Variants in WWOX observed in about 807,000 individuals in gnomAD.
WWOX encodes the protein WW domain-containing oxidoreductase.
WWOX carries 69 observed loss-of-function variants against 46.2 expected under a neutral mutation model. The ratio of observed to expected loss-of-function variants is 1.49; its 90% confidence interval spans 1.23 to 1.82. The LOEUF is 1.82. WWOX is among the 40% of genes most tolerant of loss of function. The pLI, the probability that WWOX is intolerant of heterozygous loss-of-function variation, is 0.00. For missense variants in WWOX, 919 were observed against 542.6 expected (o/e 1.69, Z -6.89); for synonymous variants, 359 against 202.6 (o/e 1.77, Z -6.56).
At chr16:78,265,816 A>T (rs566520527) in intron 5 of WWOX, 1 of 152,242 alleles carries the variant, frequency 6.6e-6, no homozygotes, top group South Asian at 2.1e-4. Context: ...AGGACTCAGT[A>T]AGTTATTTGT....
At chr16:78,434,261 A>G (rs2083288688) in intron 8 of WWOX, among the ~76,000 whole-genome samples, 1 of 152,182 alleles carries the variant, frequency 6.6e-6, no homozygotes, top group Non-Finnish European at 1.5e-5. Context: ...CCTACGGAGA[A>G]TGGTGTTCCA....
At chr16:78,791,276 C>T (rs1031687086) in intron 8 of WWOX, among the ~76,000 whole-genome samples, 6 of 152,112 alleles carry the variant, frequency 3.9e-5, no homozygotes, top group South Asian at 2.1e-4. Flanking sequence ...ACCAGGCACT[C>T]GGGTTTCCTG....
rs556711637 is a variant in WWOX at position 79,157,436 on chromosome 16, A to G, written c.1057-54172A>G. On this transcript the variant is annotated intron_variant, in intron 8 of 8. Coordinates refer to ENST00000566780, the MANE Select transcript of WWOX (RefSeq NM_016373.4). ...TATACAATGGCCAAAAAAAAAAAAA[A>G]GAAAGAAACCACAAAACCATACCTT... 3.7e-3 allele frequency among the ~76,000 whole-genome samples: 500 copies of G among 135,080 alleles called. 1 individual carries two copies. The highest frequency in any genetic ancestry group is 0.018 in the African/African-American group (485 of 26,598). The allele number at this position is 135,080 out of a possible 152,430, so 88.6% of individuals were successfully genotyped here.
chr16:78,407,803 A>G (rs1315964625), intron 6 of WWOX, among the ~76,000 whole-genome samples: 3 of 152,234 alleles, frequency 2.0e-5, no homozygotes, highest in African/African-American at 4.8e-5. Flanking sequence ...CCATCCAGAT[A>G]CCTAAAAAAG....
At chr16:78,650,824 T>TGCCA (rs766757978) in intron 8 of WWOX, among the ~76,000 whole-genome samples, 1 of 152,226 alleles carries the variant, frequency 6.6e-6, no homozygotes, top group African/African-American at 2.4e-5. Context: ...TGTGGATTTT[T>TGCCA]GCCAGCCAGC....
intron 8 of WWOX, among the ~76,000 whole-genome samples, chr16:78,511,510 T>G (rs1187663405): frequency 6.6e-6 from 1 of 152,238 alleles, no homozygotes; most frequent in Non-Finnish European, 1.5e-5. Flanking sequence ...CCAAGCCTGT[T>G]GCCTAAGAAA....
At chr16:78,317,631 C>A (rs751047403) in intron 5 of WWOX, among the ~76,000 whole-genome samples, 1 of 152,086 alleles carries the variant, frequency 6.6e-6, no homozygotes, top group Non-Finnish European at 1.5e-5. Context: ...TGAGAAAAAT[C>A]TGGTGTTTTT....
At chr16:78,616,255 G>C (rs762626748) in intron 8 of WWOX, among the ~76,000 whole-genome samples, 1 of 151,720 alleles carries the variant, frequency 6.6e-6, no homozygotes, top group Non-Finnish European at 1.5e-5. Flanking sequence ...TAGGATGTTT[G>C]TCTTAGTTTT....
At chr16:78,631,121 A>G (rs938281292) in intron 8 of WWOX, among the ~76,000 whole-genome samples, 14 of 152,164 alleles carry the variant, frequency 9.2e-5, no homozygotes, top group African/African-American at 2.9e-4. Context: ...ATACTATACA[A>G]TTTTATGTTA....
chr16:78,472,455 C>G (rs2084246659), intron 8 of WWOX, among the ~76,000 whole-genome samples: 1 of 152,120 alleles, frequency 6.6e-6, no homozygotes, highest in Non-Finnish European at 1.5e-5. Flanking sequence ...ACTAATTTCT[C>G]TTGCTTTTCT....
intron 8 of WWOX, among the ~76,000 whole-genome samples, chr16:78,565,048 A>C (rs2063911148): frequency 6.6e-6 from 1 of 152,154 alleles, no homozygotes; most frequent in African/African-American, 2.4e-5. Context: ...AGGTTCTTGA[A>C]CTGTTCTCTC....
At chr16:78,644,749 C>T (rs911936348) in intron 8 of WWOX, among the ~76,000 whole-genome samples, 36 of 152,344 alleles carry the variant, frequency 2.4e-4, no homozygotes, top group African/African-American at 8.4e-4. Flanking sequence ...AGGCGTGAGC[C>T]ACTGTGCCCA....
chr16:79,121,306 C>G (rs1015110662), intron 8 of WWOX, among the ~76,000 whole-genome samples: 1 of 152,174 alleles, frequency 6.6e-6, no homozygotes, highest in East Asian at 1.9e-4. Context: ...TTTGTGAAAA[C>G]TCGCTCATGA....
At chr16:78,249,267 A>G (rs1214116881) in intron 5 of WWOX, among the ~76,000 whole-genome samples, 1 of 152,166 alleles carries the variant, frequency 6.6e-6, no homozygotes, top group Non-Finnish European at 1.5e-5. Context: ...CCGCCTCCAG[A>G]GCTGCAGGCA....
At chr16:78,408,721 C>G (rs1461592438) in intron 6 of WWOX, among the ~76,000 whole-genome samples, 1 of 152,126 alleles carries the variant, frequency 6.6e-6, no homozygotes, top group East Asian at 1.9e-4. Flanking sequence ...GGAGATACAG[C>G]TAATTTGCAG....
chr16:78,653,106 G>C (rs1435985924), intron 8 of WWOX, among the ~76,000 whole-genome samples: 1 of 151,670 alleles, frequency 6.6e-6, no homozygotes, highest in Non-Finnish European at 1.5e-5. Context: ...CTGAGTGATA[G>C]CATTTTTTTC....
chr16:79,121,640 A>C (rs977464969), intron 8 of WWOX, among the ~76,000 whole-genome samples: 21 of 152,130 alleles, frequency 1.4e-4, no homozygotes, highest in Admixed American at 4.6e-4. Context: ...TGGAGTCCAA[A>C]AGGTGGGAGG....
intron 8 of WWOX, among the ~76,000 whole-genome samples, chr16:78,478,482 C>T (rs556491314): frequency 6.6e-6 from 1 of 152,172 alleles, no homozygotes; most frequent in African/African-American, 2.4e-5. Flanking sequence ...ATTTCCCTCC[C>T]TTCCACAAAA....
intron 8 of WWOX, among the ~76,000 whole-genome samples, chr16:78,930,635 G>C (rs1219570491): frequency 3.3e-5 from 5 of 150,588 alleles, no homozygotes; most frequent in Non-Finnish European, 5.9e-5. Flanking sequence ...TCAGTTTGAA[G>C]GCACCATTAT....
Sources: gnomAD v4.1 joint callset for allele counts (sites outside exome capture counted in the v4.1 genomes callset) on GRCh38, gnomAD v4.1.1 for gene constraint, MANE v1.5 for transcripts, NCBI Gene and HGNC (gene_info 2026-07-23, HGNC 2026-07-21) for gene names.